LRP6: variants seen among roughly 807,000 people sequenced by gnomAD.
The protein encoded by LRP6 is low-density lipoprotein receptor-related protein 6.
In LRP6, 43 loss-of-function variants were observed where a neutral mutation model predicts 184.1. The observed-to-expected ratio is 0.23, with a 90% confidence interval of 0.18 to 0.30. LRP6 has a LOEUF of 0.30. Among genes scored for constraint, LRP6 ranks in the 10% least tolerant of loss-of-function variants. LRP6 has a pLI of 1.00. For synonymous variants in LRP6, 719 were observed against 684.9 expected, an observed-to-expected ratio of 1.05 and a Z score of -0.78; for missense variants, 1,571 against 2,005.3, an observed-to-expected ratio of 0.78 and a Z score of 4.14.
Position 12,159,234 on chromosome 12 carries a change from A to AG in LRP6, c.2465-80dup, listed in dbSNP as rs541495878. The AG allele has an allele frequency of 1.7e-3, 1,838 of 1,065,836 alleles. 6 individuals carry two copies. The highest frequency in any genetic ancestry group is 2.0e-3 in the Non-Finnish European group (1,407 of 705,240). The allele number at this position is 1,065,836 out of a possible 1,614,324, so 66.0% of individuals were successfully genotyped here. ...GAATACAAGTGTCTTGCTGGCAAAA[A>AG]GAAAAAAAAAAGCCCTAACATATAA... On this transcript the variant is annotated intron_variant, in intron 11 of 22. Transcript: ENST00000261349.
At chr12:12,262,284 CAGG>C (rs1317617508) in intron 1 of LRP6, among the ~76,000 whole-genome samples, 1 of 152,156 alleles carries the variant, frequency 6.6e-6, no homozygotes, top group East Asian at 1.9e-4. Context: ...GAGGCTGAAA[CAGG>C]AGAATTGCTT....
chr12:12,233,794 G>T (rs892222228), intron 2 of LRP6, among the ~76,000 whole-genome samples: 8 of 152,038 alleles, frequency 5.3e-5, no homozygotes, highest in African/African-American at 1.9e-4. Flanking sequence ...TTTAGAGATG[G>T]AAAATAAAGT....
At chr12:12,235,963 C>T (rs1336356872) in intron 2 of LRP6, among the ~76,000 whole-genome samples, 4 of 151,938 alleles carry the variant, frequency 2.6e-5, no homozygotes, top group Admixed American at 6.6e-5. Context: ...CGGTGGCTCA[C>T]GCCTGTAATC....
intron 1 of LRP6, among the ~76,000 whole-genome samples, chr12:12,246,417 CA>C (rs1277157193): frequency 2.0e-5 from 3 of 151,128 alleles, no homozygotes. Flanking sequence ...AATGAGGCAG[CA>C]AAAGTAAGAC....
chr12:12,162,557 A>G, intron 9 of LRP6, 138 bp from the exon 10 acceptor site: 1 of 719,772 alleles, frequency 1.4e-6, no homozygotes, highest in African/African-American at 1.7e-5. Context: ...TAAAATTCAC[A>G]TAACTTGCAA....
chr12:12,258,951 A>C (rs1457724833), intron 1 of LRP6, among the ~76,000 whole-genome samples: 1 of 151,616 alleles, frequency 6.6e-6, no homozygotes, highest in Non-Finnish European at 1.5e-5. Context: ...TATTTGGGTG[A>C]CTATTTTCTT....
chr12:12,243,836 T>C (rs753038513), intron 2 of LRP6, among the ~76,000 whole-genome samples: 2 of 152,132 alleles, frequency 1.3e-5, no homozygotes, highest in African/African-American at 2.4e-5. Flanking sequence ...CTGCAACCTC[T>C]GCCTCCTGGG....
At position 12,135,317 on chromosome 12, in the gene LRP6, T is replaced by TGAGGATGGGGA; in HGVS notation, c.3608-28_3608-18dup. ...GGTGCTGTCCTGCAAAGAGAAGAGG[T>TGAGGATGGGGA]GAGGATGGGGAGAGGAGGGGGAGTG... On this transcript the variant is annotated splice_polypyrimidine_tract_variant and intron_variant, in intron 16 of 22. Transcript: ENST00000261349. The TGAGGATGGGGA allele has an allele frequency of 6.4e-7, 1 of 1,574,518 alleles. No individual in the cohort carries two copies. The highest frequency in any genetic ancestry group is 8.6e-7 in the Non-Finnish European group (1 of 1,159,038).
intron 1 of LRP6, among the ~76,000 whole-genome samples, chr12:12,249,905 C>A (rs1386514167): frequency 6.6e-6 from 1 of 152,134 alleles, no homozygotes; most frequent in African/African-American, 2.4e-5. Flanking sequence ...GTCAATGGTA[C>A]ACAATTCTAA....
intron 2 of LRP6, among the ~76,000 whole-genome samples, chr12:12,243,165 T>C (rs1865106439): frequency 6.6e-6 from 1 of 152,154 alleles, no homozygotes; most frequent in South Asian, 2.1e-4. Context: ...ATTTATTCAA[T>C]AAAGAAATAT....
chr12:12,229,745 C>T (rs1864732984), intron 2 of LRP6, among the ~76,000 whole-genome samples: 2 of 152,130 alleles, frequency 1.3e-5, no homozygotes, highest in South Asian at 4.1e-4. Context: ...TAAATATCTC[C>T]CTTGGCTTCT....
intron 7 of LRP6, among the ~76,000 whole-genome samples, chr12:12,176,883 T>C (rs1863199302): frequency 6.7e-6 from 1 of 149,564 alleles, no homozygotes; most frequent in Non-Finnish European, 1.5e-5. Flanking sequence ...GTCTTGTTCT[T>C]GTCCCCCAGG....
intron 1 of LRP6, among the ~76,000 whole-genome samples, chr12:12,252,370 A>G (rs901186067): frequency 2.6e-5 from 4 of 152,238 alleles, no homozygotes; most frequent in African/African-American, 9.6e-5. Context: ...TACCTTGTAA[A>G]AGAGAGATGT....
intron 2 of LRP6, among the ~76,000 whole-genome samples, chr12:12,224,212 G>T (rs1423002094): frequency 2.0e-5 from 3 of 152,164 alleles, no homozygotes; most frequent in Non-Finnish European, 4.4e-5. Flanking sequence ...ATTCATTAAG[G>T]TCCACGCTTT....
chr12:12,199,582 G>A (rs1425939172), intron 3 of LRP6, among the ~76,000 whole-genome samples: 2 of 152,144 alleles, frequency 1.3e-5, no homozygotes, highest in Non-Finnish European at 2.9e-5. Context: ...ATGGTTCTCT[G>A]GAGGAGCCAT....
Position 12,244,583 on chromosome 12 carries a change from G to C in LRP6, c.128C>G (p.Ala43Gly), listed in dbSNP as rs1031491567. Residue 43 changes from alanine (A) to glycine (G), a missense_variant, in exon 2 of 23, where the codon GCT becomes GGT. Physicochemically the swap from Ala to Gly is moderately conservative, Grantham distance 60. Around this residue, in one of 4 missense-constraint regions of LRP6, gnomAD observed 640 missense variants for 851.9 expected, o/e 0.75. Transcript: ENST00000261349. Reference sequence around the variant, plus strand: ...CTCCAAGCCTCCAACTACAATCGTAGCATTCTCTTTGCCATTTGTAGCATC... The same window carrying C: ...CTCCAAGCCTCCAACTACAATCGTACCATTCTCTTTGCCATTTGTAGCATC... ...LVDATNGKEN[A>G]TIVVGGLEDA... 6.2e-7 allele frequency: 1 copy of C among 1,614,130 alleles called. No homozygotes were observed. The highest frequency in any genetic ancestry group is 8.5e-7 in the Non-Finnish European group (1 of 1,180,008).
At chr12:12,254,143 CAAAAAAA>C (rs34210761) in intron 1 of LRP6, among the ~76,000 whole-genome samples, 25 of 74,374 alleles carry the variant, frequency 3.4e-4, no homozygotes, top group African/African-American at 5.6e-4. Flanking sequence ...GACTCTGTCT[CAAAAAAA>C]AAAAAAAAAA....
intron 2 of LRP6, among the ~76,000 whole-genome samples, chr12:12,204,307 G>GC (rs1488676700): frequency 2.0e-5 from 3 of 150,940 alleles, no homozygotes; most frequent in African/African-American, 7.3e-5. Context: ...AAGGAGGGGG[G>GC]GGTCAGGAAC....
chr12:12,231,180 CAAAAAAAAAAAAAAAA>C (rs10661340), intron 2 of LRP6, among the ~76,000 whole-genome samples: 4 of 23,558 alleles, frequency 1.7e-4, no homozygotes, highest in African/African-American at 4.5e-4. Context: ...GACTCCATCT[CAAAAAAAAAAAAAAAA>C]AAAAAAAAAA....
Sources: gnomAD v4.1 joint callset for allele counts (sites outside exome capture counted in the v4.1 genomes callset) on GRCh38, gnomAD v4.1.1 for gene constraint, gnomAD v4.1.1 regional missense constraint, MANE v1.5 for transcripts, NCBI Gene and HGNC (gene_info 2026-07-23, HGNC 2026-07-21) for gene names.